The following AGL variants were observed in gnomAD, a reference collection of about 807,000 sequenced individuals.
AGL encodes the protein amylo-alpha-1,6-glucosidase and 4-alpha-glucanotransferase.
In AGL, 128 loss-of-function variants were observed where a neutral mutation model predicts 199.3. That is an observed-to-expected ratio of 0.64 (90% CI 0.56 to 0.74). The LOEUF (loss-of-function observed/expected upper bound fraction) is 0.74, where lower values mean the gene tolerates loss of function less well. Ranked by LOEUF, AGL falls within the 30% of genes least tolerant of loss-of-function variation. The pLI, the probability that AGL is intolerant of heterozygous loss-of-function variation, is 0.00. For missense variants in AGL, 1,809 were observed against 1,820.8 expected, an observed-to-expected ratio of 0.99 and a Z score of 0.12; for synonymous variants, 584 against 594.7, an observed-to-expected ratio of 0.98 and a Z score of 0.26.
At chr1:99,908,017 TTTGA>T (rs1451521551) in intron 27 of AGL, among the ~76,000 whole-genome samples, 2 of 152,194 alleles carry the variant, frequency 1.3e-5, no homozygotes, top group African/African-American at 4.8e-5. Context: ...AGTTTCTGAT[TTTGA>T]TTAAGTCCAA....
chr1:99,907,665 T>C (rs1228654069), intron 27 of AGL, among the ~76,000 whole-genome samples: 1 of 151,290 alleles, frequency 6.6e-6, no homozygotes, highest in Non-Finnish European at 1.5e-5. Context: ...TTTTGGTTTT[T>C]GTTTTTGTTC....
At position 99,894,756 on chromosome 1, in the gene AGL, G is replaced by T. The variant is rs367552457; in HGVS notation, c.3260-1530G>T. Among the ~76,000 whole-genome samples the T allele has an allele frequency of 7.2e-5, 11 of 151,978 alleles. No individual in the cohort carries two copies. The South Asian group carries it at 1.5e-3, about 20-fold the overall frequency. Reference sequence around the variant, plus strand: ...TCTTAGTCAAATTCTTTCACTTTTCGATCTACATTTTAATATTTGTTTTTT... The same window carrying T: ...TCTTAGTCAAATTCTTTCACTTTTCTATCTACATTTTAATATTTGTTTTTT... On this transcript the variant is annotated intron_variant, in intron 24 of 33. Coordinates refer to ENST00000361915, the MANE Select transcript of AGL (RefSeq NM_000642.3).
Position 99,891,539 on chromosome 1 carries a change from T to G in AGL, c.2950-67T>G. On this transcript the variant is annotated intron_variant, in intron 22 of 33. Coordinates refer to ENST00000361915, the MANE Select transcript of AGL (RefSeq NM_000642.3). ...ACTAGATAAAGTTGCACATTTAGAT[T>G]TACCTCTAAAAACACACCTAGTCTG... The G allele has an allele frequency of 1.9e-6, 3 of 1,577,326 alleles. No homozygotes were observed. The Admixed American group carries it at 5.0e-5, about 26-fold the overall frequency.
At chr1:99,900,502 C>A in intron 25 of AGL, 134 bp from the exon 26 acceptor site, 2 of 818,316 alleles carry the variant, frequency 2.4e-6, no homozygotes, top group Non-Finnish European at 4.0e-6. Context: ...TGACTACTTT[C>A]TACATGAAAA....
rs755972114 is a variant in AGL, at chr1:99,874,822, G to T, written c.1082+12G>T. On this transcript the variant is annotated intron_variant, in intron 8 of 33. Transcript: ENST00000361915. ...TTCATACCACATGAGTATGTAATGT[G>T]TTTTTTTCTGTGAAATAATAATATT... The T allele has an allele frequency of 1.9e-6, 3 of 1,612,492 alleles. No homozygotes were observed. The highest frequency in any genetic ancestry group is 1.1e-5 in the South Asian group (1 of 91,006).
At chr1:99,918,245 C>T (rs1195381734) in intron 33 of AGL, among the ~76,000 whole-genome samples, 1 of 152,160 alleles carries the variant, frequency 6.6e-6, no homozygotes, top group Non-Finnish European at 1.5e-5. Context: ...ATTTTTATGT[C>T]TAACCTACCA....
In AGL at chr1:99,877,700, T is replaced by A; in HGVS notation, c.1483T>A (p.Tyr495Asn). ...ICWGDSVKLR[Y>N]GNKPEDCPYL... is the part of the protein sequence containing the mutation. Reference sequence around the variant, plus strand: ...CTGGGGAGACAGTGTTAAATTACGCTATGGGAATAAACCAGAGGACTGTCC... The same window carrying A: ...CTGGGGAGACAGTGTTAAATTACGCAATGGGAATAAACCAGAGGACTGTCC... Residue 495 changes from tyrosine (Y) to asparagine (N), a missense_variant, in exon 12 of 34, where the codon TAT (tyrosine) becomes AAT (asparagine). By Grantham distance (143) the Tyr-to-Asn change is moderately radical. Transcript: ENST00000361915. The A allele has an allele frequency of 6.2e-7, 1 of 1,614,082 alleles. No individual in the cohort carries two copies. Among genetic ancestry groups the A allele is most frequent in the Non-Finnish European group, 8.5e-7 (1 of 1,179,970 alleles).
chr1:99,870,804 TC>T lies in AGL; in HGVS notation c.894del (p.Trp299GlyfsTer6). 6.2e-7 allele frequency: 1 copy of T among 1,612,320 alleles called. No homozygotes were observed. Among genetic ancestry groups the T allele is most frequent in the Non-Finnish European group, 8.5e-7 (1 of 1,178,634 alleles). On this transcript the variant is annotated frameshift_variant, in exon 7 of 34. Coordinates refer to ENST00000361915, the MANE Select transcript of AGL (RefSeq NM_000642.3). LOFTEE classifies it high-confidence loss of function. ...IWEDIFPKLK[L>X]WEFFQVDVNK... ...GAGGATATTTTTCCAAAGCTTAAAC[TC>T]TGGGAATTTTTCCAAGTAGATGTCA...
At position 99,900,776 on chromosome 1, in the gene AGL, T is replaced by A. The variant is rs1247591998; in HGVS notation, c.3503T>A (p.Val1168Asp). 7 of 1,614,022 alleles carry A rather than the reference T, an allele frequency of 4.3e-6. No homozygotes were observed. The highest frequency in any genetic ancestry group is 5.9e-6 in the Non-Finnish European group (7 of 1,180,006). Reference protein sequence around the residue: ...LQCIQDYCKMVPNGLDILKCP... With the variant: ...LQCIQDYCKMDPNGLDILKCP... Reference sequence around the variant, plus strand: ...TGTATCCAGGATTACTGTAAAATGGTTCCAAATGGTCTAGACATTCTCAAG... The same window carrying A: ...TGTATCCAGGATTACTGTAAAATGGATCCAAATGGTCTAGACATTCTCAAG... The change falls in exon 26 of 34, where the codon GTT (valine) becomes GAT (aspartate). Residue 1168 changes from valine (V) to aspartate (D), a missense_variant. Coordinates refer to ENST00000361915, the MANE Select transcript of AGL (RefSeq NM_000642.3).
chr1:99,898,202 A>G (rs1653492857), intron 25 of AGL, among the ~76,000 whole-genome samples: 2 of 151,992 alleles, frequency 1.3e-5, no homozygotes, highest in Non-Finnish European at 2.9e-5. Flanking sequence ...GCCCGCCACC[A>G]CACCCGGCTA....
intron 27 of AGL, among the ~76,000 whole-genome samples, chr1:99,903,079 C>G (rs1452613680): frequency 6.6e-6 from 1 of 152,094 alleles, no homozygotes; most frequent in Non-Finnish European, 1.5e-5. Flanking sequence ...AACTACTTTA[C>G]CTATATTATT....
rs745364279 is a variant in AGL, at chr1:99,892,493, G to A, written c.3145G>A (p.Gly1049Arg). The stretch of plus-strand genomic sequence containing the variant: ...TTCATTGGGTTCAGTTCAACTGTGT[G>A]GAGTAGGAAAATTCCCTTCCCTGCC... ...HLSLGSVQLC[G>R]VGKFPSLPIL... Residue 1049 changes from glycine to arginine, a missense_variant, in exon 24 of 34, where the codon GGA becomes AGA. Transcript: ENST00000361915. 6.2e-7 allele frequency: 1 copy of A among 1,613,602 alleles called. No individual in the cohort carries two copies. Among genetic ancestry groups the A allele is most frequent in the Non-Finnish European group, 8.5e-7 (1 of 1,179,662 alleles).
chr1:99,890,926 A>G (rs752009990), intron 21 of AGL, among the ~76,000 whole-genome samples: 20 of 152,162 alleles, frequency 1.3e-4, no homozygotes, highest in Non-Finnish European at 2.5e-4. Context: ...TTATAACATT[A>G]AAATCCAAAA....
intron 2 of AGL, among the ~76,000 whole-genome samples, chr1:99,860,073 C>T (rs1024515559): frequency 1.3e-5 from 2 of 152,022 alleles, no homozygotes; most frequent in Non-Finnish European, 2.9e-5. Flanking sequence ...TATAAACATT[C>T]TTAATATATT....
chr1:99,859,914 A>G (rs1272871907), intron 2 of AGL, among the ~76,000 whole-genome samples: 2 of 152,216 alleles, frequency 1.3e-5, no homozygotes, highest in African/African-American at 2.4e-5. Context: ...TAATTTATTT[A>G]ATCACTGCCA....
chr1:99,912,037 A>G (rs1249560655), intron 28 of AGL, among the ~76,000 whole-genome samples: 2 of 152,130 alleles, frequency 1.3e-5, no homozygotes, highest in African/African-American at 4.8e-5. Flanking sequence ...TGAGCTTTCA[A>G]ATTAATGTGT....
chr1:99,907,419 G>A (rs1353006128), intron 27 of AGL, among the ~76,000 whole-genome samples: 2 of 152,120 alleles, frequency 1.3e-5, no homozygotes, highest in Admixed American at 1.3e-4. Flanking sequence ...GAACATGGGT[G>A]TACAAATATC....
intron 26 of AGL, among the ~76,000 whole-genome samples, 179 bp from the exon 27 acceptor site, chr1:99,902,504 G>T (rs993721422): frequency 2.6e-5 from 4 of 152,166 alleles, no homozygotes; most frequent in Non-Finnish European, 5.9e-5. Context: ...TTAAATATTT[G>T]TATGCTCGTC....
At chr1:99,911,976 A>G (rs573902578) in intron 28 of AGL, among the ~76,000 whole-genome samples, 56 of 152,250 alleles carry the variant, frequency 3.7e-4, no homozygotes, top group Non-Finnish European at 5.4e-4. Flanking sequence ...TTTTTTAAAA[A>G]TCTATTTGGT....
Sources: allele counts gnomAD v4.1 joint callset (sites outside exome capture counted in the v4.1 genomes callset), GRCh38; gene constraint gnomAD v4.1.1; transcripts MANE v1.5; gene names NCBI Gene and HGNC (gene_info 2026-07-23, HGNC 2026-07-21).